The following EDARADD variants were observed in gnomAD, a reference collection of about 807,000 sequenced individuals.
EDARADD encodes the protein EDAR associated via death domain, also known as ectodysplasin-A receptor-associated adapter protein.
A neutral mutation model predicts 25.6 loss-of-function variants in EDARADD; 20 were observed. That is an observed-to-expected ratio of 0.78 (90% CI 0.55 to 1.14). The LOEUF is 1.14. Ranked by LOEUF, EDARADD falls within the 50% of genes most tolerant of loss-of-function variation. EDARADD has a pLI of 0.00. For synonymous variants in EDARADD, 86 were observed against 94.4 expected, an observed-to-expected ratio of 0.91 and a Z score of 0.52; for missense variants, 225 against 270.1, an observed-to-expected ratio of 0.83 and a Z score of 1.17.
intron 4 of EDARADD, among the ~76,000 whole-genome samples, chr1:236,445,309 C>T (rs561296990): frequency 2.2e-5 from 3 of 137,756 alleles, no homozygotes; most frequent in African/African-American, 7.8e-5. Context: ...CTCACTGCAA[C>T]CTCCGCCTCC....
At chr1:236,358,653 T>G (rs1287036899) in intron 3 of EDARADD, among the ~76,000 whole-genome samples, 4 of 152,270 alleles carry the variant, frequency 2.6e-5, no homozygotes, top group African/African-American at 9.6e-5. Flanking sequence ...AGGAGCAGGT[T>G]GTTCAATTTC....
chr1:236,469,101 CAT>C (rs1415379961), intron 5 of EDARADD, among the ~76,000 whole-genome samples: 1 of 152,086 alleles, frequency 6.6e-6, no homozygotes, highest in Non-Finnish European at 1.5e-5. Context: ...CTTTTTTAAT[CAT>C]AAGACAGACA....
intron 2 of EDARADD, among the ~76,000 whole-genome samples, chr1:236,350,073 T>C (rs1264156931): frequency 6.6e-6 from 1 of 152,080 alleles, no homozygotes; most frequent in Non-Finnish European, 1.5e-5. Flanking sequence ...GCCACTGCAC[T>C]CTAGCCTGGC....
At chr1:236,372,076 C>A (rs1408369733) in intron 3 of EDARADD, among the ~76,000 whole-genome samples, 1 of 152,036 alleles carries the variant, frequency 6.6e-6, no homozygotes, top group Non-Finnish European at 1.5e-5. Context: ...ATTGTCTCAG[C>A]TTCCTGAGTA....
chr1:236,388,765 A>T lies in EDARADD; in HGVS notation c.-5-20451A>T, dbSNP rs542670783. Among the ~76,000 whole-genome samples the T allele has an allele frequency of 9.8e-5, 15 of 152,310 alleles. 1 individual carries two copies. In the South Asian group the frequency reaches 2.9e-3, roughly 29 times the overall value. ...ATTAGTTCTAATAGTTTCTCAGGTG[A>T]CTCACTTGGATCCAAGTCCACCTTC... On this transcript the variant is annotated intron_variant, in intron 3 of 7. Transcript: ENST00000439430.
chr1:236,475,643 A>G (rs908945774), intron 5 of EDARADD, among the ~76,000 whole-genome samples: 6 of 151,978 alleles, frequency 3.9e-5, no homozygotes, highest in African/African-American at 1.4e-4. Flanking sequence ...AGGCGCCTCT[A>G]ATCTCAGCTA....
intron 3 of EDARADD, among the ~76,000 whole-genome samples, chr1:236,368,207 A>G (rs1436309858): frequency 6.6e-6 from 1 of 152,206 alleles, no homozygotes; most frequent in African/African-American, 2.4e-5. Flanking sequence ...TAAAACTTTC[A>G]TCATATAACT....
At chr1:236,443,065 A>G (rs372000432) in intron 4 of EDARADD, among the ~76,000 whole-genome samples, 3 of 152,218 alleles carry the variant, frequency 2.0e-5, no homozygotes, top group African/African-American at 7.2e-5. Context: ...AGAAGTTACC[A>G]TATTAGCATG....
At chr1:236,451,656 C>T (rs1431450564) in intron 4 of EDARADD, among the ~76,000 whole-genome samples, 2 of 152,118 alleles carry the variant, frequency 1.3e-5, no homozygotes, top group South Asian at 2.1e-4. Flanking sequence ...CTCCTAACCT[C>T]AAGTGATCTG....
intron 3 of EDARADD, 77 bp downstream of exon 3, chr1:236,414,376 TTC>T: frequency 8.2e-7 from 1 of 1,216,016 alleles, no homozygotes; most frequent in Non-Finnish European, 1.2e-6. Flanking sequence ...GACCTAATTT[TTC>T]ATTATTTAAA....
intron 3 of EDARADD, among the ~76,000 whole-genome samples, chr1:236,356,812 G>T (rs1483981662): frequency 6.6e-6 from 1 of 152,038 alleles, no homozygotes; most frequent in African/African-American, 2.4e-5. Context: ...GGCCAGGGGT[G>T]GTGGCTCACA....
At chr1:236,438,936 T>C (rs542325238) in intron 4 of EDARADD, among the ~76,000 whole-genome samples, 1 of 152,320 alleles carries the variant, frequency 6.6e-6, no homozygotes, top group South Asian at 2.1e-4. Context: ...TGATGACATG[T>C]ATCCACCATT....
intron 3 of EDARADD, among the ~76,000 whole-genome samples, chr1:236,355,638 T>C (rs1482695208): frequency 6.6e-6 from 1 of 150,638 alleles, no homozygotes; most frequent in African/African-American, 2.4e-5. Context: ...GCCTCCCAAG[T>C]AGCTGAGATT....
At chr1:236,404,504 T>A (rs922404483) in intron 1 of EDARADD, among the ~76,000 whole-genome samples, 2 of 152,126 alleles carry the variant, frequency 1.3e-5, no homozygotes, top group Non-Finnish European at 2.9e-5. Context: ...GGCAGTAACA[T>A]GTATGTAAGA....
intron 4 of EDARADD, among the ~76,000 whole-genome samples, chr1:236,431,639 G>GACCTTATAGACTTGTTGGAGA (rs1571930821): frequency 2.4e-4 from 29 of 119,834 alleles, no homozygotes; most frequent in Middle Eastern, 4.1e-3. Flanking sequence ...ACCCCAGGCA[G>GACCTTATAGACTTGTTGGAGA]GGCCGGGCGC....
chr1:236,441,899 G>A (rs989139930), intron 4 of EDARADD, among the ~76,000 whole-genome samples: 1 of 152,092 alleles, frequency 6.6e-6, no homozygotes, highest in Non-Finnish European at 1.5e-5. Flanking sequence ...TTTGAAGCTA[G>A]CATAGGTTGG....
chr1:236,467,732 A>G (rs78247476), intron 4 of EDARADD, among the ~76,000 whole-genome samples: 7,821 of 152,222 alleles, frequency 0.051, 438 homozygotes, highest in East Asian at 0.22. Context: ...AATGTAAAAT[A>G]AAAATAGCAC....
chr1:236,396,267 G>A (rs1320415997), intron 1 of EDARADD, among the ~76,000 whole-genome samples: 1 of 152,106 alleles, frequency 6.6e-6, no homozygotes, highest in African/African-American at 2.4e-5. Flanking sequence ...ACCCGAGGTC[G>A]GAGTGGAGAT....
At chr1:236,443,971 G>A (rs1326330830) in intron 4 of EDARADD, among the ~76,000 whole-genome samples, 1 of 152,068 alleles carries the variant, frequency 6.6e-6, no homozygotes, top group Non-Finnish European at 1.5e-5. Flanking sequence ...TAAAGAAATT[G>A]CCATTTCCAC....
Sources: gnomAD v4.1 joint callset for allele counts (sites outside exome capture counted in the v4.1 genomes callset) on GRCh38, gnomAD v4.1.1 for gene constraint, MANE v1.5 for transcripts, NCBI Gene and HGNC (gene_info 2026-07-23, HGNC 2026-07-21) for gene names.